The following SGPP1 variants were observed in gnomAD, a reference collection of about 807,000 sequenced individuals.
SGPP1 encodes the protein hSPP1.
SGPP1 carries 21 observed loss-of-function variants against 33.0 expected under a neutral mutation model. The observed-to-expected ratio is 0.64, with a 90% CI of 0.45 to 0.92. The LOEUF (loss-of-function observed/expected upper bound fraction) is 0.92. SGPP1 is among the 40% of genes least tolerant of loss of function. The pLI is 0.00. For missense variants in SGPP1, 543 were observed against 589.4 expected (o/e 0.92, Z 0.81); for synonymous variants, 239 against 241.2 (o/e 0.99, Z 0.08).
At chr14:63,693,636 T>C (rs549154622) in intron 2 of SGPP1, among the ~76,000 whole-genome samples, 3 of 152,240 alleles carry the variant, frequency 2.0e-5, no homozygotes, top group Non-Finnish European at 4.4e-5. Flanking sequence ...TATTTTTAGA[T>C]AGGATCTTGC....
chr14:63,686,806 T>C (rs1461373075), intron 2 of SGPP1, 150 bp from the exon 3 acceptor site: 1 of 552,172 alleles, frequency 1.8e-6, no homozygotes, highest in Non-Finnish European at 3.1e-6. Flanking sequence ...TAACTGACCA[T>C]ATAAGAGGCA....
chr14:63,703,209 T>TA (rs61018024), intron 1 of SGPP1, among the ~76,000 whole-genome samples: 64 of 144,228 alleles, frequency 4.4e-4, no homozygotes, highest in Middle Eastern at 3.6e-3. Flanking sequence ...ATACCAGCAA[T>TA]AAAAAAAAAA....
chr14:63,709,586 T>A (rs528336083), intron 1 of SGPP1, among the ~76,000 whole-genome samples: 1 of 152,332 alleles, frequency 6.6e-6, no homozygotes, highest in East Asian at 1.9e-4. Context: ...CTGTTTTCAT[T>A]TTCATAGAGA....
Position 63,684,335 on chromosome 14 carries a change from C to T in SGPP1, c.*1770G>A, listed in dbSNP as rs1884927230. ...TACCTTTTAAGCTAGACATAAAAAT[C>T]AACAGGATAGCATAGGCCCAAATTA... On this transcript the variant is annotated 3_prime_UTR_variant, in exon 3 of 3. Transcript: ENST00000247225. 2 of 151,978 alleles carry T rather than the reference C, an allele frequency of 1.3e-5. No homozygotes were observed. The highest frequency in any genetic ancestry group is 4.1e-4 in the South Asian group (2 of 4,828). The allele number at this position is 151,978 out of a possible 1,614,324, so 9.4% of individuals were successfully genotyped here.
At chr14:63,711,192 T>A (rs1053503426) in intron 1 of SGPP1, among the ~76,000 whole-genome samples, 19 of 152,138 alleles carry the variant, frequency 1.2e-4, no homozygotes, top group African/African-American at 4.6e-4. Flanking sequence ...TTTTTGTAAT[T>A]TTAGTAGAGA....
rs185944926 is a variant in SGPP1 at position 63,687,255 on chromosome 14, A to G, written c.775-599T>C. On this transcript the variant is annotated intron_variant, in intron 2 of 2. Transcript: ENST00000247225. ...CAGGAGTTCAAGACCAGCCTGGGTAACATAGTGAATCCCTGTCTCTACTAA... is the reference window on the plus strand; with the variant it reads ...CAGGAGTTCAAGACCAGCCTGGGTAGCATAGTGAATCCCTGTCTCTACTAA... Among the ~76,000 whole-genome samples, 512 of 152,212 alleles carry G rather than the reference A, an allele frequency of 3.4e-3. 4 individuals carry two copies. The highest frequency in any genetic ancestry group is 0.011 in the African/African-American group (459 of 41,532).
At chr14:63,725,999 A>G (rs1885869916) in intron 1 of SGPP1, among the ~76,000 whole-genome samples, 1 of 152,234 alleles carries the variant, frequency 6.6e-6, no homozygotes. Context: ...CAATCTGAAC[A>G]TCACCGTATA....
At chr14:63,702,560 A>C (rs1419567356) in intron 1 of SGPP1, among the ~76,000 whole-genome samples, 1 of 152,050 alleles carries the variant, frequency 6.6e-6, no homozygotes, top group Non-Finnish European at 1.5e-5. Flanking sequence ...AAATACAAAA[A>C]TTAGCCAGGT....
rs377349875 is a variant in SGPP1 at position 63,705,387 on chromosome 14, G to A, written c.685-6729C>T. Among the ~76,000 whole-genome samples, 55 of 151,182 alleles carry A rather than the reference G, an allele frequency of 3.6e-4. 1 individual carries two copies. The highest frequency in any genetic ancestry group is 1.2e-3 in the African/African-American group (49 of 41,144). On this transcript the variant is annotated intron_variant, in intron 1 of 2. Transcript: ENST00000247225. ...CCAAAAAGCACATGAAAATATGCTC[G>A]CCTGGCATGGTGGCTCACACTTGTA... is the stretch of plus-strand genomic sequence containing the variant.
At chr14:63,700,334 C>T (rs1480558517) in intron 1 of SGPP1, among the ~76,000 whole-genome samples, 1 of 152,108 alleles carries the variant, frequency 6.6e-6, no homozygotes, top group African/African-American at 2.4e-5. Flanking sequence ...ACCCACTATA[C>T]CTCAAACCAA....
chr14:63,715,075 T>C (rs1343236657), intron 1 of SGPP1, among the ~76,000 whole-genome samples: 1 of 149,770 alleles, frequency 6.7e-6, no homozygotes, highest in East Asian at 2.0e-4. Flanking sequence ...TTGCTCATGC[T>C]GTGATTTTGG....
In SGPP1 at chr14:63,727,671, C is replaced by G. The variant is rs1442801590; in HGVS notation, c.274G>C (p.Gly92Arg). Residue 92 changes from glycine to arginine, a missense_variant, in exon 1 of 3, where the codon GGG (glycine) becomes CGG (arginine). Transcript: ENST00000247225. The stretch of plus-strand genomic sequence containing the variant: ...GCCGGGCCCAGCTCGGCCGCCAGCC[C>G]GTTCCGCACGCCGTTGGGGGCGCCG... Reference protein sequence around the residue: ...GGGAPNGVRNGLAAELGPASP... With the variant: ...GGGAPNGVRNRLAAELGPASP... 4.5e-6 allele frequency: 6 copies of G among 1,336,784 alleles called. No individual in the cohort carries two copies. The highest frequency in any genetic ancestry group is 5.7e-6 in the Non-Finnish European group (6 of 1,051,552). 82.8% of individuals were successfully genotyped at this position (1,336,784 alleles called of 1,614,324 possible). A position where few individuals can be genotyped will look rare whatever the true frequency, so the allele number is the denominator to read the frequency against.
intron 2 of SGPP1, among the ~76,000 whole-genome samples, chr14:63,687,001 CAT>C (rs1407690399): frequency 2.0e-5 from 3 of 152,250 alleles, no homozygotes; most frequent in Admixed American, 6.5e-5. Context: ...TTTTCATTTT[CAT>C]ATGTTTATGT....
intron 2 of SGPP1, among the ~76,000 whole-genome samples, chr14:63,698,292 C>T (rs1031733077): frequency 4.6e-5 from 7 of 152,008 alleles, no homozygotes; most frequent in Non-Finnish European, 1.0e-4. Context: ...GAAAAGACTG[C>T]AAAGGAAAAT....
intron 1 of SGPP1, among the ~76,000 whole-genome samples, chr14:63,723,706 G>C (rs141293577): frequency 4.0e-5 from 6 of 148,998 alleles, no homozygotes; most frequent in South Asian, 2.1e-4. Flanking sequence ...GTGACAAAGA[G>C]AGATTTCGTC....
intron 1 of SGPP1, among the ~76,000 whole-genome samples, chr14:63,708,390 G>A (rs1159227565): frequency 1.3e-5 from 2 of 150,676 alleles, no homozygotes; most frequent in Non-Finnish European, 3.0e-5. Flanking sequence ...CAAGTAGCTG[G>A]GATTACAGGT....
chr14:63,711,455 T>C (rs776743685), intron 1 of SGPP1, among the ~76,000 whole-genome samples: 4 of 152,230 alleles, frequency 2.6e-5, no homozygotes, highest in African/African-American at 7.2e-5. Context: ...GGATTGGTCA[T>C]GCAGTTGTAG....
chr14:63,724,637 AAAAAGG>A (rs946035265), intron 1 of SGPP1, among the ~76,000 whole-genome samples: 25 of 149,534 alleles, frequency 1.7e-4, no homozygotes, highest in African/African-American at 1.5e-4. Flanking sequence ...AAAAAAAAAA[AAAAAGG>A]AAAAGGAAAA....
intron 1 of SGPP1, among the ~76,000 whole-genome samples, chr14:63,718,200 A>T (rs1885673077): frequency 6.6e-6 from 1 of 151,560 alleles, no homozygotes. Flanking sequence ...GTGAGCCAAG[A>T]TTGGGCCACT....
Sources: gnomAD v4.1 joint callset for allele counts (sites outside exome capture counted in the v4.1 genomes callset) on GRCh38, gnomAD v4.1.1 for gene constraint, MANE v1.5 for transcripts, NCBI Gene and HGNC (gene_info 2026-07-23, HGNC 2026-07-21) for gene names.